ZC3H13: variants seen among roughly 807,000 people sequenced by gnomAD.
The protein encoded by ZC3H13 is zinc finger CCCH-type containing 13, also known as zinc finger CCCH domain-containing protein 13.
A neutral mutation model predicts 204.1 loss-of-function variants in ZC3H13; 64 were observed. The ratio of observed to expected loss-of-function variants is 0.31; its 90% CI spans 0.26 to 0.39. The LOEUF is 0.39. Among genes scored for constraint, ZC3H13 ranks in the 10% least tolerant of loss-of-function variants. The pLI, the probability that ZC3H13 is intolerant of heterozygous loss-of-function variation, is 1.00. For synonymous variants in ZC3H13, 667 were observed against 693.7 expected (o/e 0.96, Z 0.60); for missense variants, 1,833 against 2,082.7 (o/e 0.88, Z 2.33).
intron 5 of ZC3H13, among the ~76,000 whole-genome samples, chr13:46,013,427 AAAAT>A (rs1566285116): frequency 6.6e-6 from 1 of 151,762 alleles, no homozygotes; most frequent in Non-Finnish European, 1.5e-5. Flanking sequence ...AAAAAAAAAC[AAAAT>A]AAATAAAAAG....
chr13:46,037,953 A>G (rs565627146), intron 4 of ZC3H13, among the ~76,000 whole-genome samples: 1 of 152,180 alleles, frequency 6.6e-6, no homozygotes, highest in Non-Finnish European at 1.5e-5. Flanking sequence ...GACTACCCAC[A>G]TTTGACAGCA....
intron 15 of ZC3H13, among the ~76,000 whole-genome samples, chr13:45,966,968 T>G (rs546779395): frequency 2.6e-5 from 4 of 152,170 alleles, no homozygotes; most frequent in African/African-American, 4.8e-5. Flanking sequence ...AGGTTTCACA[T>G]AGCTGAGGCT....
At chr13:45,961,302 C>A (rs938127245) in intron 17 of ZC3H13, among the ~76,000 whole-genome samples, 10 of 151,906 alleles carry the variant, frequency 6.6e-5, no homozygotes, top group African/African-American at 2.4e-4. Context: ...TTCATTACCA[C>A]ACATTTCTGT....
At chr13:45,982,669 A>G (rs1036886747) in intron 10 of ZC3H13, among the ~76,000 whole-genome samples, 8 of 152,198 alleles carry the variant, frequency 5.3e-5, no homozygotes, top group African/African-American at 1.4e-4. Context: ...TATTTGCATT[A>G]TATTGGTTCA....
At chr13:46,028,451 C>T (rs939943372) in intron 4 of ZC3H13, among the ~76,000 whole-genome samples, 2 of 152,090 alleles carry the variant, frequency 1.3e-5, no homozygotes, top group African/African-American at 4.8e-5. Context: ...TCAACAGCAC[C>T]ATCAACAAAA....
chr13:45,981,207 CAT>C (rs2138115555), intron 10 of ZC3H13, among the ~76,000 whole-genome samples: 1 of 152,330 alleles, frequency 6.6e-6, no homozygotes, highest in East Asian at 1.9e-4. Flanking sequence ...CCCTCAACCT[CAT>C]AGAATTACCA....
At chr13:45,970,000 C>A in intron 13 of ZC3H13, 29 bp from the exon 14 acceptor site, 1 of 1,574,174 alleles carries the variant, frequency 6.4e-7, no homozygotes, top group South Asian at 1.2e-5. Context: ...CAATCACACT[C>A]TCACCAGGTT....
chr13:45,984,492 G>A (rs192180003), intron 10 of ZC3H13, among the ~76,000 whole-genome samples: 7 of 152,206 alleles, frequency 4.6e-5, no homozygotes, highest in African/African-American at 1.7e-4. Context: ...TTAAGTTGAT[G>A]CATTGAAATA....
intron 5 of ZC3H13, 76 bp from the exon 6 acceptor site, chr13:46,011,630 C>A (rs2041569234): frequency 8.3e-7 from 1 of 1,207,468 alleles, no homozygotes; most frequent in Non-Finnish European, 1.1e-6. Flanking sequence ...CTTTTTTCAA[C>A]TAATTTCTTA....
At chr13:46,045,249 T>G (rs2043867769) in intron 2 of ZC3H13, 142 bp downstream of exon 2, 1 of 994,440 alleles carries the variant, frequency 1.0e-6, no homozygotes. Flanking sequence ...CCTTTTCACT[T>G]CTTTTTATAA....
intron 4 of ZC3H13, among the ~76,000 whole-genome samples, chr13:46,033,379 G>A (rs889677023): frequency 1.1e-4 from 17 of 152,006 alleles, no homozygotes; most frequent in African/African-American, 4.1e-4. Context: ...GAAACCTTAA[G>A]TTGAGCTCAG....
intron 12 of ZC3H13, among the ~76,000 whole-genome samples, chr13:45,972,458 G>A (rs1204620249): frequency 6.6e-6 from 1 of 152,106 alleles, no homozygotes; most frequent in African/African-American, 2.4e-5. Flanking sequence ...AGGGTGGAAG[G>A]GGAGTGAGGG....
intron 11 of ZC3H13, chr13:45,976,327 C>T: frequency 1.1e-6 from 1 of 878,182 alleles, no homozygotes; most frequent in Non-Finnish European, 1.4e-6. Context: ...AAAATATATA[C>T]ACATCAAAGT....
At chr13:45,964,116 A>G (rs1188452336) in intron 16 of ZC3H13, 74 bp from the exon 17 acceptor site, 1 of 1,382,632 alleles carries the variant, frequency 7.2e-7, no homozygotes. Flanking sequence ...AGACATTTAC[A>G]TAAATCAAGG....
intron 10 of ZC3H13, 68 bp downstream of exon 10, chr13:45,985,229 T>C (rs896251507): frequency 2.2e-6 from 3 of 1,380,910 alleles, no homozygotes; most frequent in East Asian, 2.4e-5. Context: ...AAACAACATA[T>C]TAGAAATCTT....
At position 46,040,659 on chromosome 13, in the gene ZC3H13, T is replaced by C. The variant is rs553378862; in HGVS notation, c.339+1505A>G. Among the ~76,000 whole-genome samples the C allele has an allele frequency of 2.0e-5, 3 of 152,264 alleles. No individual in the cohort carries two copies. The East Asian group carries it at 5.8e-4, about 29-fold the overall frequency. ...GCTTTAAAGGACACCATCAAGAATG[T>C]GATGATAACACACAGAATGGGAGAA... On this transcript the variant is annotated intron_variant, in intron 4 of 18. Coordinates refer to ENST00000679008, the MANE Select transcript of ZC3H13 (RefSeq NM_001330564.2).
intron 8 of ZC3H13, among the ~76,000 whole-genome samples, chr13:45,991,393 G>A (rs1481862596): frequency 6.6e-6 from 1 of 152,126 alleles, no homozygotes; most frequent in Admixed American, 6.5e-5. Flanking sequence ...GAACACTAAT[G>A]GGTTGTCAAA....
At position 45,967,944 on chromosome 13, in the gene ZC3H13, T is replaced by C. The variant is rs1357530768; in HGVS notation, c.3881A>G (p.Asp1294Gly). The change falls in exon 15 of 19, where the codon GAT becomes GGT. Residue 1294 changes from aspartate (D) to glycine (G), a missense_variant. Around this residue, in one of 5 missense-constraint regions of ZC3H13, gnomAD observed 1,574 missense variants for 1,757.2 expected, o/e 0.90. Coordinates refer to ENST00000679008, the MANE Select transcript of ZC3H13 (RefSeq NM_001330564.2). ...TCGTTCTTGAAGCCTGTCTCTGCTA[T>C]CAAATGACCCAGATCTTGAATGGAC... is the stretch of plus-strand genomic sequence containing the variant. ...RQVHSRSGSF[D>G]SRDRLQERDR... 1 of 1,614,008 alleles carries C rather than the reference T, an allele frequency of 6.2e-7. No individual in the cohort carries two copies. The highest frequency in any genetic ancestry group is 1.1e-5 in the South Asian group (1 of 91,080).
chr13:46,028,967 A>C (rs2042708910), intron 4 of ZC3H13, among the ~76,000 whole-genome samples: 1 of 152,166 alleles, frequency 6.6e-6, no homozygotes, highest in Non-Finnish European at 1.5e-5. Flanking sequence ...AAAGTCAATG[A>C]AATCGAAAAC....
Sources: gnomAD v4.1 joint callset for allele counts (sites outside exome capture counted in the v4.1 genomes callset) on GRCh38, gnomAD v4.1.1 for gene constraint, gnomAD v4.1.1 regional missense constraint, MANE v1.5 for transcripts, NCBI Gene and HGNC (gene_info 2026-07-23, HGNC 2026-07-21) for gene names.